TBC1D1: variants seen among roughly 807,000 people sequenced by gnomAD.
TBC1D1 encodes the protein TBC1 (tre-2/USP6, BUB2, cdc16) domain family, member 1.
In TBC1D1, 89 loss-of-function variants were observed where a neutral mutation model predicts 125.6. That is an observed-to-expected ratio of 0.71 (90% CI 0.60 to 0.85). TBC1D1 has a LOEUF of 0.85. Among genes scored for constraint, TBC1D1 ranks in the 40% least tolerant of loss-of-function variants. The probability of loss-of-function intolerance (pLI) is 0.00; values close to 1 mark genes in which losing one functional copy is unlikely to be tolerated. For missense variants in TBC1D1, 1,377 were observed against 1,469.2 expected, an observed-to-expected ratio of 0.94 and a Z score of 1.03; for synonymous variants, 565 against 564.1, an observed-to-expected ratio of 1.00 and a Z score of -0.02.
rs147525296 is a variant in TBC1D1, at chr4:38,014,802, C to G, written c.711C>G (p.Ser237=). 44 of 1,610,374 alleles carry G rather than the reference C, an allele frequency of 2.7e-5. No individual in the cohort carries two copies. The highest frequency in any genetic ancestry group is 1.6e-4 in the African/African-American group (12 of 74,846). ...GCAGGCCCATGCGCAAGTCCTTCTC[C>G]CAGCCCGGCCTGCGCTCGCTGGCCT... The change falls in exon 3 of 20, where the codon TCC becomes TCG. Residue 237 remains serine (S), a synonymous_variant. Coordinates refer to ENST00000261439, the MANE Select transcript of TBC1D1 (RefSeq NM_015173.4). This position sits in a 1 kb window ranked among gnomAD's most constrained non-coding sequence, Gnocchi z 5.1.
In TBC1D1 at chr4:38,089,977, C is replaced by A. The variant is rs747602498; in HGVS notation, c.2096C>A (p.Pro699Gln). Residue 699 changes from proline (P) to glutamine (Q), a missense_variant, in exon 13 of 20, where the codon CCA becomes CAA. By Grantham distance (76) the Pro-to-Gln change is moderately conservative. This residue lies in a region of TBC1D1 where 543 missense variants were observed against 613.5 expected (regional missense o/e 0.89). Transcript: ENST00000261439. Reference sequence around the variant, plus strand: ...CTTCCCCCACGATCTCCTTTAGAACCAGTTTGTGAAGATGGGCCCTTTGGC... The same window carrying A: ...CTTCCCCCACGATCTCCTTTAGAACAAGTTTGTGAAGATGGGCCCTTTGGC... 6.2e-7 allele frequency: 1 copy of A among 1,613,420 alleles called. No individual in the cohort carries two copies. Among genetic ancestry groups the A allele is most frequent in the Non-Finnish European group, 8.5e-7 (1 of 1,179,782 alleles).
Position 38,118,038 on chromosome 4 carries a change from G to A in TBC1D1, c.2808G>A (p.Gln936=). Reference sequence around the variant, plus strand: ...TTGTGGCTGTCTTCCTGCAGATCCAGATGTACCAGCTCTCGAGGTTGCTTC... The same window carrying A: ...TTGTGGCTGTCTTCCTGCAGATCCAAATGTACCAGCTCTCGAGGTTGCTTC... Residue 936 remains glutamine, a synonymous_variant, in exon 17 of 20, where the codon CAG becomes CAA. Coordinates refer to ENST00000261439, the MANE Select transcript of TBC1D1 (RefSeq NM_015173.4). The A allele has an allele frequency of 6.2e-7, 1 of 1,614,052 alleles. No homozygotes were observed. The highest frequency in any genetic ancestry group is 8.5e-7 in the Non-Finnish European group (1 of 1,179,990).
At chr4:37,909,568 C>A (rs1260790258) in intron 2 of TBC1D1, among the ~76,000 whole-genome samples, 1 of 152,176 alleles carries the variant, frequency 6.6e-6, no homozygotes, top group Non-Finnish European at 1.5e-5. Flanking sequence ...TCGAAGATTA[C>A]AACACAGAGC....
At chr4:37,982,361 T>A (rs1204367565) in intron 2 of TBC1D1, among the ~76,000 whole-genome samples, 1 of 152,086 alleles carries the variant, frequency 6.6e-6, no homozygotes, top group African/African-American at 2.4e-5. Flanking sequence ...TGTTTTAAAA[T>A]TTTTTTTTCT....
At chr4:37,904,286 T>C (rs950328491) in intron 2 of TBC1D1, among the ~76,000 whole-genome samples, 2 of 152,238 alleles carry the variant, frequency 1.3e-5, no homozygotes, top group Admixed American at 6.5e-5. Flanking sequence ...GATACCTAGA[T>C]GAGTGCCTTC....
At chr4:38,062,894 T>A (rs1408210475) in intron 12 of TBC1D1, among the ~76,000 whole-genome samples, 4 of 152,178 alleles carry the variant, frequency 2.6e-5, no homozygotes, top group African/African-American at 9.7e-5. Flanking sequence ...GGAAGAGGGC[T>A]GAGGGCTTGG....
At chr4:38,022,493 C>T (rs1424529874) in intron 6 of TBC1D1, among the ~76,000 whole-genome samples, 1 of 152,214 alleles carries the variant, frequency 6.6e-6, no homozygotes, top group East Asian at 1.9e-4. Flanking sequence ...CTGCCACCAA[C>T]CATTTCCAGG....
intron 12 of TBC1D1, among the ~76,000 whole-genome samples, chr4:38,087,313 C>T (rs565922110): frequency 6.6e-6 from 1 of 152,296 alleles, no homozygotes; most frequent in African/African-American, 2.4e-5. Context: ...TGGTCCTTGT[C>T]AGTAGCCCAA....
chr4:38,052,335 G>GTTT (rs66650664), intron 11 of TBC1D1, among the ~76,000 whole-genome samples: 1 of 141,164 alleles, frequency 7.1e-6, no homozygotes, highest in Non-Finnish European at 1.5e-5. Flanking sequence ...GTTTGTGTTT[G>GTTT]TTTTTTTTTT....
At chr4:38,119,060 AAGG>A (rs910839334) in intron 17 of TBC1D1, among the ~76,000 whole-genome samples, 1 of 152,140 alleles carries the variant, frequency 6.6e-6, no homozygotes, top group African/African-American at 2.4e-5. Flanking sequence ...TTTTATTGTA[AAGG>A]AGGAGGCTAC....
At chr4:38,103,188 A>T (rs79874214) in intron 15 of TBC1D1, 31 bp downstream of exon 17, 1 of 1,583,214 alleles carries the variant, frequency 6.3e-7, no homozygotes. Context: ...GGAGATGACA[A>T]TGGAAGTTTC....
At chr4:37,994,476 T>A (rs1737324186) in intron 2 of TBC1D1, among the ~76,000 whole-genome samples, 1 of 152,022 alleles carries the variant, frequency 6.6e-6, no homozygotes, top group South Asian at 2.1e-4. Flanking sequence ...AACTCCTGGA[T>A]TCAAGCACCC....
chr4:38,132,682 A>ATTT (rs1765788920), intron 18 of TBC1D1: 1 of 167,994 alleles, frequency 6.0e-6, no homozygotes, highest in Non-Finnish European at 1.5e-5. Flanking sequence ...ACAGGCTATG[A>ATTT]TTCTTTTGTT....
intron 2 of TBC1D1, among the ~76,000 whole-genome samples, chr4:38,006,011 T>C (rs1740088465): frequency 6.6e-6 from 1 of 152,222 alleles, no homozygotes; most frequent in South Asian, 2.1e-4. Flanking sequence ...CCACTTGTAT[T>C]GTATGTGATT....
chr4:37,942,360 T>G (rs544237698), intron 2 of TBC1D1, among the ~76,000 whole-genome samples: 3 of 152,260 alleles, frequency 2.0e-5, no homozygotes, highest in Non-Finnish European at 4.4e-5. Context: ...GCCTTTTTTT[T>G]GTTTTCCATT....
rs1334445207 is a variant in TBC1D1, at chr4:37,954,198, C to T, written c.417+51686C>T. Reference sequence around the variant, plus strand: ...TTCCAAGATGGCTGCTGTGGCTCCTCGCACCAGTGCATTCTAGGTAGGAGA... The same window carrying T: ...TTCCAAGATGGCTGCTGTGGCTCCTTGCACCAGTGCATTCTAGGTAGGAGA... On this transcript the variant is annotated intron_variant, in intron 2 of 19. Coordinates refer to ENST00000261439, the MANE Select transcript of TBC1D1 (RefSeq NM_015173.4). 2.0e-5 allele frequency among the ~76,000 whole-genome samples: 3 copies of T among 152,150 alleles called. No homozygotes were observed. In the East Asian group the frequency reaches 5.8e-4, roughly 29 times the overall value.
intron 14 of TBC1D1, among the ~76,000 whole-genome samples, chr4:38,102,782 G>A (rs1304374432): frequency 4.6e-5 from 7 of 151,728 alleles, no homozygotes; most frequent in Non-Finnish European, 5.9e-5. Context: ...TTGGGAGGCC[G>A]AGGTGGGAGG....
In TBC1D1 at chr4:38,106,093, G is replaced by A. The variant is rs186396398; in HGVS notation, c.2557+2936G>A. On this transcript the variant is annotated intron_variant, in intron 15 of 19. Coordinates refer to ENST00000261439, the MANE Select transcript of TBC1D1 (RefSeq NM_015173.4). ...TCCCTTATAGGATACAGCCCTCTGC[G>A]GACTGGGCTGGGGCTGTTTGGCCAT... 1.8e-4 allele frequency among the ~76,000 whole-genome samples: 28 copies of A among 152,222 alleles called. No individual in the cohort carries two copies. The East Asian group carries it at 4.1e-3, about 22-fold the overall frequency.
chr4:38,007,882 T>C (rs1399658986), intron 2 of TBC1D1, among the ~76,000 whole-genome samples: 1 of 152,206 alleles, frequency 6.6e-6, no homozygotes, highest in Non-Finnish European at 1.5e-5. Context: ...AAGCCCTGCC[T>C]TCCCTGGGAT....
Sources: allele counts gnomAD v4.1 joint callset (sites outside exome capture counted in the v4.1 genomes callset), GRCh38; gene constraint gnomAD v4.1.1; regional missense constraint gnomAD v4.1.1; non-coding constraint Gnocchi (gnomAD v3.1); transcripts MANE v1.5; gene names NCBI Gene and HGNC (gene_info 2026-07-23, HGNC 2026-07-21).